The following PANX1 variants were observed in gnomAD, a reference collection of about 807,000 sequenced individuals.
PANX1 encodes the protein pannexin-1.
Under a neutral mutation model 38.7 loss-of-function variants are expected in PANX1, and 30 were observed. The ratio of observed to expected loss-of-function variants is 0.78; its 90% CI spans 0.58 to 1.05. The LOEUF is 1.05. PANX1 is among the 50% of genes least tolerant of loss of function. The pLI is 0.00. For synonymous variants in PANX1, 230 were observed against 212.2 expected, an observed-to-expected ratio of 1.08 and a Z score of -0.73; for missense variants, 551 against 517.2, an observed-to-expected ratio of 1.07 and a Z score of -0.63.
intron 2 of PANX1, among the ~76,000 whole-genome samples, chr11:94,169,557 T>TA (rs1427046431): frequency 6.6e-6 from 1 of 151,682 alleles, no homozygotes; most frequent in African/African-American, 2.4e-5. Context: ...GATGGGGTCT[T>TA]ACTGCAGTAG....
At chr11:94,134,008 C>G (rs1190355848) in intron 1 of PANX1, among the ~76,000 whole-genome samples, 1 of 150,812 alleles carries the variant, frequency 6.6e-6, no homozygotes, top group Non-Finnish European at 1.5e-5. Flanking sequence ...TCCTGGCCAC[C>G]TCCCAGACAC....
Position 94,129,486 on chromosome 11 carries a change from C to T in PANX1, c.174C>T (p.Ile58=). 6.2e-7 allele frequency: 1 copy of T among 1,609,028 alleles called. No homozygotes were observed. The highest frequency in any genetic ancestry group is 8.5e-7 in the Non-Finnish European group (1 of 1,176,890). ...TCTCGCTGGCCTTCGCGCAGGAGAT[C>T]TCGATTGGTAAGCCTCGCCCAGGAC... ...LLISLAFAQE[I]SIGTQISCFS... The change falls in exon 1 of 5, where the codon ATC becomes ATT. Residue 58 remains isoleucine (I), a synonymous_variant. Coordinates refer to ENST00000227638, the MANE Select transcript of PANX1 (RefSeq NM_015368.4).
chr11:94,155,862 G>T (rs977968285), intron 2 of PANX1, among the ~76,000 whole-genome samples: 1 of 152,140 alleles, frequency 6.6e-6, no homozygotes, highest in South Asian at 2.1e-4. Flanking sequence ...GTGGGTTCTC[G>T]TCAGCTTTGC....
intron 1 of PANX1, among the ~76,000 whole-genome samples, chr11:94,146,422 T>C (rs1591510013): frequency 6.6e-6 from 1 of 152,232 alleles, no homozygotes; most frequent in East Asian, 1.9e-4. Flanking sequence ...GGACACAATA[T>C]TGACCCTGTC....
chr11:94,152,322 TG>T (rs1323879813), intron 1 of PANX1, among the ~76,000 whole-genome samples: 18 of 152,344 alleles, frequency 1.2e-4, no homozygotes, highest in Middle Eastern at 3.4e-3. Context: ...ATCTGTAATG[TG>T]GATACACTAT....
intron 2 of PANX1, among the ~76,000 whole-genome samples, chr11:94,168,582 G>A (rs534658383): frequency 2.2e-4 from 33 of 151,314 alleles, no homozygotes; most frequent in East Asian, 7.7e-4. Context: ...AGAAGATCAC[G>A]CAAAAGGATA....
chr11:94,134,053 G>A (rs775429336), intron 1 of PANX1, among the ~76,000 whole-genome samples: 39 of 152,234 alleles, frequency 2.6e-4, no homozygotes, highest in Admixed American at 5.2e-4. Flanking sequence ...GATGCACATC[G>A]TCATGATAGG....
intron 2 of PANX1, among the ~76,000 whole-genome samples, chr11:94,155,350 CAAAAAA>C (rs34215722): frequency 9.9e-6 from 1 of 101,446 alleles, no homozygotes; most frequent in South Asian, 4.0e-4. Flanking sequence ...AACTCCATCT[CAAAAAA>C]AAAAAAAAAA....
At chr11:94,170,241 A>T (rs573422864) in intron 2 of PANX1, among the ~76,000 whole-genome samples, 1 of 151,580 alleles carries the variant, frequency 6.6e-6, no homozygotes, top group East Asian at 1.9e-4. Context: ...GCCCCTGGCA[A>T]CCTCCATTCT....
At chr11:94,177,856 T>C (rs113568820) in intron 2 of PANX1, among the ~76,000 whole-genome samples, 24 of 152,102 alleles carry the variant, frequency 1.6e-4, no homozygotes, top group Non-Finnish European at 2.9e-4. Flanking sequence ...AGCTGTCTTA[T>C]TGGGATGATT....
chr11:94,145,620 A>G (rs375942981), intron 1 of PANX1, among the ~76,000 whole-genome samples: 16 of 152,324 alleles, frequency 1.1e-4, no homozygotes, highest in African/African-American at 3.8e-4. Context: ...TCTTCATACC[A>G]TCTCCTGAGT....
chr11:94,170,231 G>A (rs1302845160), intron 2 of PANX1, among the ~76,000 whole-genome samples: 3 of 151,236 alleles, frequency 2.0e-5, no homozygotes, highest in African/African-American at 4.9e-5. Flanking sequence ...CATCCCCCCA[G>A]CCCCTGGCAA....
At chr11:94,160,043 T>A (rs576919460) in intron 2 of PANX1, among the ~76,000 whole-genome samples, 1 of 152,120 alleles carries the variant, frequency 6.6e-6, no homozygotes, top group African/African-American at 2.4e-5. Flanking sequence ...CAGTTTTGAG[T>A]CAGTTTCTTA....
intron 2 of PANX1, among the ~76,000 whole-genome samples, chr11:94,169,870 A>G (rs1035261372): frequency 7.3e-5 from 11 of 151,546 alleles, no homozygotes; most frequent in Admixed American, 6.6e-4. Context: ...TAAGCCATCA[A>G]ATTTGTGGGA....
intron 2 of PANX1, among the ~76,000 whole-genome samples, chr11:94,173,047 G>A (rs892479431): frequency 1.3e-5 from 2 of 151,730 alleles, no homozygotes; most frequent in Non-Finnish European, 2.9e-5. Flanking sequence ...GCTTTCTGGG[G>A]TAGCTGTTCA....
At chr11:94,165,739 T>G (rs1446209474) in intron 2 of PANX1, among the ~76,000 whole-genome samples, 1 of 152,086 alleles carries the variant, frequency 6.6e-6, no homozygotes, top group Non-Finnish European at 1.5e-5. Flanking sequence ...GGAGAAACCC[T>G]GTCCCTTCTA....
chr11:94,178,422 G>A lies in PANX1; in HGVS notation c.375G>A (p.Leu125=). ...CGATCCTCCTGTACCTGCCCCCGCTGTTCTGGCGTTTCGCAGCTGCTCCTC... is the reference window on the plus strand; with the variant it reads ...CGATCCTCCTGTACCTGCCCCCGCTATTCTGGCGTTTCGCAGCTGCTCCTC... ...LFAILLYLPP[L]FWRFAAAPHI... The change falls in exon 3 of 5, where the codon CTG becomes CTA. Residue 125 remains leucine (L), a synonymous_variant. Transcript: ENST00000227638. 6.2e-7 allele frequency: 1 copy of A among 1,614,118 alleles called. No individual in the cohort carries two copies. The highest frequency in any genetic ancestry group is 1.3e-5 in the African/African-American group (1 of 75,044).
chr11:94,134,288 C>G (rs1331254887), intron 1 of PANX1, among the ~76,000 whole-genome samples: 2 of 152,182 alleles, frequency 1.3e-5, no homozygotes, highest in Admixed American at 1.3e-4. Flanking sequence ...AACACATCTA[C>G]TCTCAGATGC....
intron 1 of PANX1, among the ~76,000 whole-genome samples, chr11:94,141,274 C>T (rs1415102487): frequency 6.6e-6 from 1 of 152,198 alleles, no homozygotes; most frequent in African/African-American, 2.4e-5. Flanking sequence ...TAGGCCAACC[C>T]CGCCCTACTT....
Sources: allele counts gnomAD v4.1 joint callset (sites outside exome capture counted in the v4.1 genomes callset), GRCh38; gene constraint gnomAD v4.1.1; transcripts MANE v1.5; gene names NCBI Gene and HGNC (gene_info 2026-07-23, HGNC 2026-07-21).